FRMPD1: variants seen among roughly 807,000 people sequenced by gnomAD.
FRMPD1 encodes FERM and PDZ domain containing 1.
FRMPD1 carries 76 observed loss-of-function variants against 117.8 expected under a neutral mutation model. That is an observed-to-expected ratio of 0.65 (90% CI 0.54 to 0.78). The LOEUF is 0.78. Ranked by LOEUF, FRMPD1 falls within the 30% of genes least tolerant of loss-of-function variation. The probability of loss-of-function intolerance (pLI) is 0.00; values close to 1 mark genes in which losing one functional copy is unlikely to be tolerated. For missense variants in FRMPD1, 1,786 were observed against 1,964.5 expected, an observed-to-expected ratio of 0.91 and a Z score of 1.72; for synonymous variants, 783 against 770.4, an observed-to-expected ratio of 1.02 and a Z score of -0.27.
intron 1 of FRMPD1, among the ~76,000 whole-genome samples, chr9:37,661,112 C>T (rs998649615): frequency 2.0e-5 from 3 of 152,278 alleles, no homozygotes; most frequent in East Asian, 1.9e-4. Flanking sequence ...GATAGGGAGG[C>T]GGTGGACCTA....
chr9:37,676,526 G>T (rs1457251991), intron 1 of FRMPD1, among the ~76,000 whole-genome samples: 3 of 152,126 alleles, frequency 2.0e-5, no homozygotes, highest in Non-Finnish European at 2.9e-5. Flanking sequence ...AGCTGTTGGT[G>T]CCACTCCTAC....
intron 1 of FRMPD1, among the ~76,000 whole-genome samples, chr9:37,658,563 C>T (rs921887295): frequency 6.6e-6 from 1 of 152,150 alleles, no homozygotes; most frequent in Non-Finnish European, 1.5e-5. Context: ...GCTGCTGTCC[C>T]ACTGGAGTCT....
chr9:37,742,211 G>A (rs776595905), intron 15 of FRMPD1, among the ~76,000 whole-genome samples: 1 of 152,168 alleles, frequency 6.6e-6, no homozygotes, highest in Non-Finnish European at 1.5e-5. Context: ...GAGAAACCAT[G>A]GCCAGACTCC....
At chr9:37,604,786 A>G in the FRMPD1 span, among the ~76,000 whole-genome samples, 1 of 152,212 alleles carries the variant, frequency 6.6e-6, no homozygotes, top group African/African-American at 2.4e-5. Context: ...AAATGAGGGA[A>G]CCAGCCAGAA....
chr9:37,692,978 C>G (rs1248333376), intron 2 of FRMPD1, among the ~76,000 whole-genome samples: 3 of 152,092 alleles, frequency 2.0e-5, no homozygotes, highest in African/African-American at 4.8e-5. Context: ...CACACACTTA[C>G]AACATTTACA....
intron 1 of FRMPD1, among the ~76,000 whole-genome samples, chr9:37,680,567 G>A (rs547039251): frequency 1.3e-5 from 2 of 152,248 alleles, no homozygotes; most frequent in African/African-American, 4.8e-5. Context: ...GCAGTTTGAG[G>A]TCAACCATCA....
chr9:37,621,065 G>C, the FRMPD1 span, among the ~76,000 whole-genome samples: 1 of 152,168 alleles, frequency 6.6e-6, no homozygotes, highest in Non-Finnish European at 1.5e-5. Context: ...AGTCGAAATT[G>C]ATGGAGAGGG....
chr9:37,681,718 T>A (rs1471099914), intron 1 of FRMPD1, among the ~76,000 whole-genome samples: 1 of 152,206 alleles, frequency 6.6e-6, no homozygotes, highest in Non-Finnish European at 1.5e-5. Flanking sequence ...AGCATAGCAT[T>A]TCAGACATCT....
chr9:37,628,544 A>G, the FRMPD1 span, among the ~76,000 whole-genome samples: 8 of 152,366 alleles, frequency 5.3e-5, no homozygotes, highest in South Asian at 1.7e-3. Flanking sequence ...TTTTCTTAAT[A>G]AGCCTAATGA....
chr9:37,634,003 GTTC>G, the FRMPD1 span, among the ~76,000 whole-genome samples: 3 of 152,168 alleles, frequency 2.0e-5, no homozygotes, highest in Non-Finnish European at 2.9e-5. Flanking sequence ...CTAACACTTT[GTTC>G]TTCTCCCCGG....
At chr9:37,621,869 A>G in the FRMPD1 span, among the ~76,000 whole-genome samples, 1 of 152,092 alleles carries the variant, frequency 6.6e-6, no homozygotes, top group African/African-American at 2.4e-5. Flanking sequence ...CTTCCTGCCG[A>G]ACAGGATGCT....
the FRMPD1 span, among the ~76,000 whole-genome samples, chr9:37,638,010 T>C: frequency 2.4e-5 from 3 of 124,318 alleles, no homozygotes; most frequent in East Asian, 4.4e-4. Flanking sequence ...CTTTCTTTCT[T>C]TCTTTCTTTC....
rs769674892 is a variant in FRMPD1 at position 37,744,565 on chromosome 9, G to A, written c.2533G>A (p.Asp845Asn). Residue 845 changes from aspartate (D) to asparagine (N), a missense_variant, in exon 16 of 16, where the codon GAC (aspartate) becomes AAC (asparagine). By Grantham distance (23) the Asp-to-Asn change is conservative. Coordinates refer to ENST00000377765, the MANE Select transcript of FRMPD1 (RefSeq NM_014907.3). ...GAAAAGAAGGTCTTTCCTACAGACC[G>A]ACTACACCTCTCAGGTCTCATTTCC... ...LRKRRSFLQT[D>N]YTSQVSFPLV... The A allele has an allele frequency of 3.4e-5, 55 of 1,613,948 alleles. No homozygotes were observed. The Admixed American group carries it at 8.2e-4, about 24-fold the overall frequency.
chr9:37,745,035 C>G lies in FRMPD1; in HGVS notation c.3003C>G (p.Pro1001=), dbSNP rs1222524164. ...PLSQDLDGIA[P]KEPTIEHGDS... Reference sequence around the variant, plus strand: ...CTCAAGACCTGGATGGGATTGCCCCCAAAGAACCAACCATAGAGCATGGAG... The same window carrying G: ...CTCAAGACCTGGATGGGATTGCCCCGAAAGAACCAACCATAGAGCATGGAG... Residue 1001 remains proline, a synonymous_variant, in exon 16 of 16, where the codon CCC becomes CCG. Transcript: ENST00000377765. The G allele has an allele frequency of 6.2e-7, 1 of 1,614,050 alleles. No individual in the cohort carries two copies. The highest frequency in any genetic ancestry group is 1.3e-5 in the African/African-American group (1 of 74,926).
At chr9:37,712,655 C>G (rs909200132) in intron 5 of FRMPD1, among the ~76,000 whole-genome samples, 1 of 152,134 alleles carries the variant, frequency 6.6e-6, no homozygotes, top group Non-Finnish European at 1.5e-5. Context: ...CATGCCAGGC[C>G]AGAACTGTAC....
chr9:37,690,450 T>G (rs1275460564), intron 1 of FRMPD1, among the ~76,000 whole-genome samples: 2 of 152,236 alleles, frequency 1.3e-5, no homozygotes, highest in Non-Finnish European at 2.9e-5. Context: ...TTTTTCTGTT[T>G]GTTTTGGTCT....
the FRMPD1 span, among the ~76,000 whole-genome samples, chr9:37,609,005 C>G: frequency 6.6e-6 from 1 of 152,150 alleles, no homozygotes; most frequent in African/African-American, 2.4e-5. Context: ...TAATAGGCAT[C>G]TCAGGCCGGG....
intron 1 of FRMPD1, among the ~76,000 whole-genome samples, chr9:37,686,536 C>T (rs944317767): frequency 1.3e-5 from 2 of 152,198 alleles, no homozygotes. Context: ...TTTAAACTCT[C>T]CTGCTCAGAC....
chr9:37,642,373 A>G, the FRMPD1 span, among the ~76,000 whole-genome samples: 1 of 151,946 alleles, frequency 6.6e-6, no homozygotes, highest in African/African-American at 2.4e-5. Flanking sequence ...TGGAAGCTCT[A>G]TCATCCCTCT....
Sources: allele counts gnomAD v4.1 joint callset (sites outside exome capture counted in the v4.1 genomes callset), GRCh38; gene constraint gnomAD v4.1.1; transcripts MANE v1.5; gene names NCBI Gene and HGNC (gene_info 2026-07-23, HGNC 2026-07-21).